EML6: variants seen among roughly 807,000 people sequenced by gnomAD.
EML6 encodes EMAP like 6.
A neutral mutation model predicts 240.1 loss-of-function variants in EML6; 154 were observed. The ratio of observed to expected loss-of-function variants is 0.64; its 90% CI spans 0.56 to 0.73. EML6 has a LOEUF of 0.73. Among genes scored for constraint, EML6 ranks in the 30% least tolerant of loss-of-function variants. EML6 has a pLI of 0.00. For synonymous variants in EML6, 1,148 were observed against 899.0 expected, an observed-to-expected ratio of 1.28 and a Z score of -4.95; for missense variants, 2,964 against 2,474.6, an observed-to-expected ratio of 1.20 and a Z score of -4.20.
intron 24 of EML6, among the ~76,000 whole-genome samples, chr2:54,909,761 T>G (rs1456880308): frequency 6.6e-6 from 1 of 150,892 alleles, no homozygotes; most frequent in Non-Finnish European, 1.5e-5. Context: ...AGAGAATCGC[T>G]TGAACTTGAG....
At chr2:54,872,937 T>C (rs1170964454) in intron 16 of EML6, among the ~76,000 whole-genome samples, 1 of 152,216 alleles carries the variant, frequency 6.6e-6, no homozygotes, top group Non-Finnish European at 1.5e-5. Context: ...GGCACACAGT[T>C]ACTTGTGTCA....
intron 17 of EML6, chr2:54,882,286 T>TA (rs1358690987): frequency 1.6e-5 from 2 of 128,496 alleles, no homozygotes; most frequent in Non-Finnish European, 3.4e-5. Context: ...TTTTTTTTTT[T>TA]TTTCCCTAAA....
At chr2:54,835,658 AC>A (rs1371986214) in intron 7 of EML6, among the ~76,000 whole-genome samples, 1 of 151,338 alleles carries the variant, frequency 6.6e-6, no homozygotes, top group Non-Finnish European at 1.5e-5. Context: ...TACTGTTTTT[AC>A]TCCTCTGAGT....
intron 5 of EML6, among the ~76,000 whole-genome samples, chr2:54,823,364 A>G (rs1339837374): frequency 6.6e-6 from 1 of 152,120 alleles, no homozygotes; most frequent in African/African-American, 2.4e-5. Flanking sequence ...TTGGTCACCC[A>G]TGGAAGTGTG....
chr2:54,906,274 G>C (rs1673324214), intron 24 of EML6, among the ~76,000 whole-genome samples: 1 of 152,180 alleles, frequency 6.6e-6, no homozygotes, highest in Non-Finnish European at 1.5e-5. Context: ...TAGGGAGTTT[G>C]TTTGTTCTTA....
Position 54,970,149 on chromosome 2 carries a change from A to C in EML6, c.*54A>C. 1 of 1,540,508 alleles carries C rather than the reference A, an allele frequency of 6.5e-7. No individual in the cohort carries two copies. Among genetic ancestry groups the C allele is most frequent in the African/African-American group, 1.4e-5 (1 of 72,934 alleles). On this transcript the variant is annotated 3_prime_UTR_variant, in exon 42 of 42. Coordinates refer to ENST00000356458, the MANE Select transcript of EML6 (RefSeq NM_001039753.4). ...GCTGCTGCTACCAGCCAGCAACTGC[A>C]GAGGCCATGCTGAGGTGCCTCCTTG... is the stretch of plus-strand genomic sequence containing the variant.
intron 2 of EML6, among the ~76,000 whole-genome samples, chr2:54,805,666 C>T (rs748576555): frequency 9.2e-5 from 14 of 152,130 alleles, no homozygotes; most frequent in Non-Finnish European, 1.6e-4. Context: ...TATCAAAGAC[C>T]AGAAGTTTTT....
chr2:54,904,741 A>G (rs767451746), intron 24 of EML6, among the ~76,000 whole-genome samples: 6 of 152,188 alleles, frequency 3.9e-5, no homozygotes, highest in Non-Finnish European at 7.4e-5. Flanking sequence ...TGAGGGATCT[A>G]GCGTGGGGCA....
chr2:54,754,788 C>T (rs1684328432), intron 2 of EML6, among the ~76,000 whole-genome samples: 2 of 152,132 alleles, frequency 1.3e-5, no homozygotes, highest in Admixed American at 6.5e-5. Context: ...CCTATGTAAT[C>T]TTCTCAAAAC....
intron 8 of EML6, among the ~76,000 whole-genome samples, chr2:54,847,092 G>C (rs983747643): frequency 2.6e-5 from 4 of 151,218 alleles, no homozygotes; most frequent in African/African-American, 4.9e-5. Flanking sequence ...ATTTTTTGTA[G>C]AGTCTGTGTC....
intron 2 of EML6, among the ~76,000 whole-genome samples, chr2:54,757,882 CT>C (rs201468444): frequency 0.05 from 7,028 of 140,864 alleles, 457 homozygotes; most frequent in African/African-American, 0.15. Context: ...TTTCCAGCTC[CT>C]TTTTTTTTTT....
chr2:54,963,912 C>A, intron 36 of EML6, 74 bp from the exon 37 acceptor site: 1 of 1,406,758 alleles, frequency 7.1e-7, no homozygotes, highest in Non-Finnish European at 9.5e-7. Flanking sequence ...CTTCTCTGGC[C>A]TGGTGCAGAA....
chr2:54,872,846 A>C (rs1009723208), intron 16 of EML6, among the ~76,000 whole-genome samples: 1 of 152,152 alleles, frequency 6.6e-6, no homozygotes, highest in East Asian at 1.9e-4. Flanking sequence ...AGGGAGAAAT[A>C]ACCTGTCCTT....
chr2:54,770,399 T>C (rs1187283054), intron 2 of EML6, among the ~76,000 whole-genome samples: 2 of 152,202 alleles, frequency 1.3e-5, no homozygotes, highest in African/African-American at 4.8e-5. Flanking sequence ...TCCTCATTCC[T>C]GTGGGATGAT....
chr2:54,819,414 T>C (rs1216279793), intron 4 of EML6, among the ~76,000 whole-genome samples: 3 of 152,224 alleles, frequency 2.0e-5, no homozygotes, highest in African/African-American at 7.2e-5. Context: ...TTCTCAGGAT[T>C]GACCTTTTCC....
chr2:54,916,730 A>G (rs1558683034), intron 25 of EML6, 29 bp from the exon 26 acceptor site: 2 of 1,465,054 alleles, frequency 1.4e-6, no homozygotes, highest in Admixed American at 4.6e-5. Flanking sequence ...GGTTGTGCAA[A>G]AATATCATTC....
At chr2:54,905,367 CACACACACACAA>C (rs1423495805) in intron 24 of EML6, among the ~76,000 whole-genome samples, 3 of 115,056 alleles carry the variant, frequency 2.6e-5, no homozygotes, top group Non-Finnish European at 5.6e-5. Context: ...CACACACACA[CACACACACACAA>C]AATACCTGAT....
intron 2 of EML6, among the ~76,000 whole-genome samples, chr2:54,794,498 G>A (rs1249722822): frequency 6.6e-6 from 1 of 152,128 alleles, no homozygotes; most frequent in Non-Finnish European, 1.5e-5. Context: ...GGACGGGGAA[G>A]GGTCAACTCA....
intron 22 of EML6, 48 bp from the exon 23 acceptor site, chr2:54,902,996 G>T: frequency 6.6e-7 from 1 of 1,522,830 alleles, no homozygotes; most frequent in South Asian, 1.2e-5. Context: ...TGGTTTGCTT[G>T]ACAGTGAAGT....
Sources: allele counts gnomAD v4.1 joint callset (sites outside exome capture counted in the v4.1 genomes callset), GRCh38; gene constraint gnomAD v4.1.1; transcripts MANE v1.5; gene names NCBI Gene and HGNC (gene_info 2026-07-23, HGNC 2026-07-21).